RIPK4: variants seen among roughly 807,000 people sequenced by gnomAD.
RIPK4 encodes receptor-interacting serine/threonine-protein kinase 4.
A neutral mutation model predicts 42.9 loss-of-function variants in RIPK4; 17 were observed. That is an observed-to-expected ratio of 0.40 (90% confidence interval 0.27 to 0.59). The LOEUF is 0.59. Among genes scored for constraint, RIPK4 ranks in the 20% least tolerant of loss-of-function variants. The pLI, the probability that RIPK4 is intolerant of heterozygous loss-of-function variation, is 0.47. For missense variants in RIPK4, 897 were observed against 1,104.4 expected (o/e 0.81, Z 2.66); for synonymous variants, 498 against 499.1 (o/e 1.00, Z 0.03).
rs13047402 is a variant in RIPK4, at chr21:41,742,196, G to A, written c.1196-199C>T. Among the ~76,000 whole-genome samples the A allele has an allele frequency of 0.14, 21,099 of 152,184 alleles. 1,759 individuals are homozygous for A. Among genetic ancestry groups the A allele is most frequent in the South Asian group, 0.24 (1,138 of 4,818 alleles). ...AGCGGGAGCCCCGGGGCAGGCTGGC[G>A]AATGTCTCCCAGGTGCTCGTTAGTC... On this transcript the variant is annotated intron_variant, in intron 7 of 7. Transcript: ENST00000332512. The surrounding 1 kb of genome is among the most constrained non-coding windows in gnomAD (Gnocchi z 5.1).
rs1286411376 is a variant in RIPK4 at position 41,749,221 on chromosome 21, C to T, written c.624-18G>A. ...TCGCAAAGCTGGAAGAGAAACCAGG[C>T]ACGTTAGCATCTGACAGCCAGAGAC... On this transcript the variant is annotated intron_variant, in intron 3 of 7. Transcript: ENST00000332512. 1.2e-6 allele frequency: 2 copies of T among 1,613,558 alleles called. No individual in the cohort carries two copies. Among genetic ancestry groups the T allele is most frequent in the South Asian group, 1.1e-5 (1 of 91,048 alleles).
chr21:41,744,260 G>T, intron 6 of RIPK4, 120 bp from the exon 7 acceptor site: 1 of 960,736 alleles, frequency 1.0e-6, no homozygotes, highest in Non-Finnish European at 1.5e-6. Context: ...AGGAAAGGAC[G>T]GACCCTGGAA....
intron 1 of RIPK4, among the ~76,000 whole-genome samples, 197 bp downstream of exon 1, chr21:41,766,663 C>A (rs1310449390): frequency 1.3e-5 from 2 of 152,092 alleles, no homozygotes; most frequent in African/African-American, 4.8e-5. Context: ...CTCGCCAAAG[C>A]CCCCGCGCCC....
At chr21:41,758,622 C>G (rs532941517) in intron 1 of RIPK4, among the ~76,000 whole-genome samples, 1 of 152,332 alleles carries the variant, frequency 6.6e-6, no homozygotes, top group East Asian at 1.9e-4. Context: ...GAGAAACTGC[C>G]AAATGGTTGC....
chr21:41,764,162 C>T (rs562343527), intron 1 of RIPK4, among the ~76,000 whole-genome samples: 1 of 152,226 alleles, frequency 6.6e-6, no homozygotes, highest in South Asian at 2.1e-4. Flanking sequence ...GGCTGGGCGG[C>T]CCCCCAACCT....
chr21:41,746,042 C>T (rs201919692), intron 5 of RIPK4, 180 bp from the exon 6 acceptor site: 1 of 723,096 alleles, frequency 1.4e-6, no homozygotes, highest in East Asian at 2.6e-5. Flanking sequence ...CCCAGGCCCC[C>T]CCATCGGTAA....
Position 41,742,020 on chromosome 21 carries a change from G to C in RIPK4, c.1196-23C>G. On this transcript the variant is annotated intron_variant, in intron 7 of 7. Transcript: ENST00000332512. This position sits in a 1 kb window ranked among gnomAD's most constrained non-coding sequence, Gnocchi z 5.1. ...GATCTGCAGGGAGAGGAGAGGCAAA[G>C]GTCAGAGCGTGGCTGCACATCCAGG... is the stretch of plus-strand genomic sequence containing the variant. The C allele has an allele frequency of 1.3e-6, 2 of 1,556,798 alleles. No individual in the cohort carries two copies. The highest frequency in any genetic ancestry group is 1.7e-6 in the Non-Finnish European group (2 of 1,149,318).
chr21:41,745,983 G>A (rs2061169534), intron 5 of RIPK4, 121 bp from the exon 6 acceptor site: 3 of 866,532 alleles, frequency 3.5e-6, no homozygotes, highest in Non-Finnish European at 4.0e-6. Context: ...CCCAGCCTGA[G>A]CTCACCAGGC....
chr21:41,744,412 G>T (rs1039180302), intron 6 of RIPK4, among the ~76,000 whole-genome samples: 1 of 151,908 alleles, frequency 6.6e-6, no homozygotes, highest in Non-Finnish European at 1.5e-5. Context: ...CCCTGCACCC[G>T]CACAGCACTT....
intron 5 of RIPK4, 78 bp downstream of exon 5, chr21:41,746,528 GCCTGGTC>G: frequency 6.6e-7 from 1 of 1,508,760 alleles, no homozygotes; most frequent in South Asian, 1.2e-5. Context: ...TCTCACCCAG[GCCTGGTC>G]CCTCACCCTG....
Position 41,741,452 on chromosome 21 carries a change from C to T in RIPK4, c.1741G>A (p.Gly581Ser). The T allele has an allele frequency of 1.2e-6, 2 of 1,612,842 alleles. No individual in the cohort carries two copies. The highest frequency in any genetic ancestry group is 1.1e-5 in the South Asian group (1 of 91,086). Residue 581 changes from glycine (G) to serine (S), a missense_variant, in exon 8 of 8, where the codon GGC becomes AGC. By Grantham distance (56) the Gly-to-Ser change is moderately conservative. Coordinates refer to ENST00000332512, the MANE Select transcript of RIPK4 (RefSeq NM_020639.3). ...WLPLHYAAWQ[G>S]HLPIVKLLAK... is the part of the protein sequence containing the mutation. ...AGCAGCTTGACGATGGGCAGGTGGCCCTGCCAGGCAGCGTAGTGCAGTGGC... is the reference window on the plus strand; with the variant it reads ...AGCAGCTTGACGATGGGCAGGTGGCTCTGCCAGGCAGCGTAGTGCAGTGGC...
At chr21:41,752,397 CG>C (rs1169561322) in intron 2 of RIPK4, among the ~76,000 whole-genome samples, 1 of 152,146 alleles carries the variant, frequency 6.6e-6, no homozygotes, top group Non-Finnish European at 1.5e-5. Context: ...ACCTGTGACT[CG>C]GGCTTCCAGG....
At chr21:41,746,304 C>T (rs1050430999) in intron 5 of RIPK4, 13 of 592,786 alleles carry the variant, frequency 2.2e-5, no homozygotes, top group Non-Finnish European at 2.1e-5. Context: ...GGTAAGTCCC[C>T]GGGAAGAGCA....
intron 2 of RIPK4, among the ~76,000 whole-genome samples, chr21:41,753,297 C>G (rs1431655319): frequency 6.6e-6 from 1 of 152,052 alleles, no homozygotes; most frequent in Non-Finnish European, 1.5e-5. Flanking sequence ...AAAAGAAAAA[C>G]GACAGGGGTG....
chr21:41,766,838 G>T, intron 1 of RIPK4, 22 bp downstream of exon 1: 3 of 1,597,296 alleles, frequency 1.9e-6, no homozygotes, highest in Non-Finnish European at 2.6e-6. Flanking sequence ...AGCCGCCCCA[G>T]CGCCCCGCCC....
In RIPK4 at chr21:41,742,257, G is replaced by C. The variant is rs1283836148; in HGVS notation, c.1196-260C>G. 6.6e-6 allele frequency among the ~76,000 whole-genome samples: 1 copy of C among 152,224 alleles called. No individual in the cohort carries two copies. The highest frequency in any genetic ancestry group is 6.5e-5 in the Admixed American group (1 of 15,284). On this transcript the variant is annotated intron_variant, in intron 7 of 7. Coordinates refer to ENST00000332512, the MANE Select transcript of RIPK4 (RefSeq NM_020639.3). This position sits in a 1 kb window ranked among gnomAD's most constrained non-coding sequence, Gnocchi z 5.1. ...ATAAAACCCGCTCTCCCTGTCCTGC[G>C]GGGTGGTGAGCCCCCTTGGTGCTTA...
rs1403361304 is a variant in RIPK4 at position 41,755,450 on chromosome 21, C to T, written c.474+1075G>A. Among the ~76,000 whole-genome samples the T allele has an allele frequency of 6.6e-6, 1 of 152,216 alleles. No homozygotes were observed. Among genetic ancestry groups the T allele is most frequent in the Non-Finnish European group, 1.5e-5 (1 of 68,028 alleles). ...GGCACAGGGAGCGGCCGTGCGCATG[C>T]CATACGAGCCACCGCTCCCGTCCCA... is the stretch of plus-strand genomic sequence containing the variant. On this transcript the variant is annotated intron_variant, in intron 2 of 7. Transcript: ENST00000332512. The surrounding 1 kb of genome is among the most constrained non-coding windows in gnomAD (Gnocchi z 4.2).
At chr21:41,764,957 G>A (rs1304042512) in intron 1 of RIPK4, among the ~76,000 whole-genome samples, 2 of 152,212 alleles carry the variant, frequency 1.3e-5, no homozygotes, top group African/African-American at 4.8e-5. Context: ...GGGCAGGGTA[G>A]GAAAGGCTTC....
At chr21:41,745,736 C>A (rs370055721) in intron 6 of RIPK4, 23 bp downstream of exon 6, 9 of 1,580,946 alleles carry the variant, frequency 5.7e-6, no homozygotes, top group East Asian at 2.2e-5. Context: ...AGACAAAAGA[C>A]CCCTGTGGGA....
Sources: allele counts gnomAD v4.1 joint callset (sites outside exome capture counted in the v4.1 genomes callset), GRCh38; gene constraint gnomAD v4.1.1; non-coding constraint Gnocchi (gnomAD v3.1); transcripts MANE v1.5; gene names NCBI Gene and HGNC (gene_info 2026-07-23, HGNC 2026-07-21).